CSMD1: variants seen among roughly 807,000 people sequenced by gnomAD.
The protein encoded by CSMD1 is CUB and Sushi multiple domains 1, also known as CUB and sushi domain-containing protein 1.
CSMD1 carries 213 observed loss-of-function variants against 417.5 expected under a neutral mutation model. The observed-to-expected ratio is 0.51, with a 90% CI of 0.46 to 0.57. The LOEUF (loss-of-function observed/expected upper bound fraction) is 0.57, where lower values mean the gene tolerates loss of function less well. Ranked by LOEUF, CSMD1 falls within the 20% of genes least tolerant of loss-of-function variation. The probability of loss-of-function intolerance (pLI) is 0.00; values close to 1 mark genes in which losing one functional copy is unlikely to be tolerated. For synonymous variants in CSMD1, 2,862 were observed against 1,736.8 expected (o/e 1.65, Z -16.11); for missense variants, 6,923 against 4,529.7 (o/e 1.53, Z -15.17).
chr8:3,709,687 T>TGC (rs1238942400), intron 6 of CSMD1, among the ~76,000 whole-genome samples: 5 of 112,790 alleles, frequency 4.4e-5, no homozygotes, highest in African/African-American at 9.5e-5. Flanking sequence ...CATGTTTTTT[T>TGC]TTTTTTTTTT....
At chr8:3,720,097 G>C (rs961372840) in intron 6 of CSMD1, among the ~76,000 whole-genome samples, 5 of 152,166 alleles carry the variant, frequency 3.3e-5, no homozygotes, top group African/African-American at 9.7e-5. Context: ...CCAAGTCTTT[G>C]TTACATTCAA....
At chr8:2,992,061 T>C (rs750477255) in intron 54 of CSMD1, among the ~76,000 whole-genome samples, 6 of 152,232 alleles carry the variant, frequency 3.9e-5, no homozygotes, top group Middle Eastern at 3.2e-3. Context: ...TGTATAGCAA[T>C]TCTTTCAATA....
rs978878300 is a variant in CSMD1 at position 3,918,734 on chromosome 8, G to C, written c.818+79169C>G. ...AATTAATGGCATTTGCAGCAACCTG[G>C]ATGGTATTAGAGACTATTCTTCTAA... On this transcript the variant is annotated intron_variant, in intron 5 of 69. Coordinates refer to ENST00000635120, the MANE Select transcript of CSMD1 (RefSeq NM_033225.6). Among the ~76,000 whole-genome samples the C allele has an allele frequency of 3.3e-5, 5 of 152,220 alleles. No homozygotes were observed. The East Asian group carries it at 9.7e-4, about 29-fold the overall frequency.
intron 2 of CSMD1, among the ~76,000 whole-genome samples, chr8:4,494,693 A>G (rs1027781550): frequency 9.9e-5 from 15 of 152,198 alleles, no homozygotes; most frequent in African/African-American, 3.4e-4. Flanking sequence ...AAAAAAAAGA[A>G]GCCTTTGAAT....
rs201833806 is a variant in CSMD1, at chr8:3,412,048, G to A, written c.1562-2443C>T. ...CACGTATATATACACATATATACAC[G>A]TATATATACACACGTATATATACAT... On this transcript the variant is annotated intron_variant, in intron 12 of 69. Transcript: ENST00000635120. Among the ~76,000 whole-genome samples the A allele has an allele frequency of 6.6e-3, 357 of 54,144 alleles. 90 individuals carry two copies. Among genetic ancestry groups the A allele is most frequent in the Non-Finnish European group, 9.6e-3 (273 of 28,486 alleles). 35.5% of individuals were successfully genotyped at this position (54,144 alleles called of 152,430 possible). A position where few individuals can be genotyped will look rare whatever the true frequency, so the allele number is the denominator to read the frequency against.
At chr8:3,844,610 C>T (rs576470807) in intron 5 of CSMD1, among the ~76,000 whole-genome samples, 2 of 152,054 alleles carry the variant, frequency 1.3e-5, no homozygotes, top group Non-Finnish European at 2.9e-5. Context: ...AAGGGGGTGT[C>T]CTCCCATCTG....
chr8:3,306,677 G>A (rs1804878428), intron 25 of CSMD1, among the ~76,000 whole-genome samples: 1 of 152,030 alleles, frequency 6.6e-6, no homozygotes, highest in African/African-American at 2.4e-5. Flanking sequence ...AAGGTTAATT[G>A]AAGGAAAAAT....
chr8:3,595,074 T>C (rs938457343), intron 8 of CSMD1, among the ~76,000 whole-genome samples: 1 of 152,172 alleles, frequency 6.6e-6, no homozygotes, highest in East Asian at 1.9e-4. Context: ...TATTTTAAAA[T>C]AAATGCTTTA....
intron 2 of CSMD1, among the ~76,000 whole-genome samples, chr8:4,576,664 T>C (rs1205140760): frequency 6.6e-6 from 1 of 152,138 alleles, no homozygotes; most frequent in East Asian, 1.9e-4. Flanking sequence ...ATGAAAACAA[T>C]GTAAAATAAT....
In CSMD1 at chr8:4,428,560, A is replaced by G. The variant is rs1035748260; in HGVS notation, c.303-8495T>C. 5.9e-5 allele frequency among the ~76,000 whole-genome samples: 9 copies of G among 152,168 alleles called. 1 individual carries two copies. In the South Asian group the frequency reaches 1.9e-3, roughly 32 times the overall value. ...AGTATGTTAACATGTATTTTCCTAC[A>G]ATAAACTTGCAACTTACCTTATGAC... is the stretch of plus-strand genomic sequence containing the variant. On this transcript the variant is annotated intron_variant, in intron 2 of 69. Transcript: ENST00000635120.
At chr8:4,394,139 T>C (rs1804047385) in intron 3 of CSMD1, among the ~76,000 whole-genome samples, 1 of 152,204 alleles carries the variant, frequency 6.6e-6, no homozygotes, top group Non-Finnish European at 1.5e-5. Context: ...AGTATTATTA[T>C]TGAGAGCTTA....
intron 1 of CSMD1, among the ~76,000 whole-genome samples, chr8:4,666,762 T>G (rs1357507516): frequency 2.0e-5 from 3 of 152,320 alleles, no homozygotes; most frequent in Non-Finnish European, 4.4e-5. Flanking sequence ...CTTCATCAGA[T>G]ATGTATTTTG....
intron 23 of CSMD1, among the ~76,000 whole-genome samples, chr8:3,311,825 C>T (rs1270815526): frequency 6.6e-6 from 1 of 151,994 alleles, no homozygotes; most frequent in Non-Finnish European, 1.5e-5. Flanking sequence ...TGTGTAATAA[C>T]ATTCATTTTC....
intron 7 of CSMD1, among the ~76,000 whole-genome samples, chr8:3,691,515 C>T (rs6983391): frequency 6.6e-6 from 1 of 152,148 alleles, no homozygotes; most frequent in African/African-American, 2.4e-5. Context: ...GAAACTTGGC[C>T]TAGCCAAGGA....
intron 2 of CSMD1, among the ~76,000 whole-genome samples, chr8:4,553,357 G>T (rs1256237314): frequency 1.3e-5 from 2 of 151,688 alleles, no homozygotes; most frequent in African/African-American, 4.8e-5. Flanking sequence ...ACTCCTGACA[G>T]GCATTTATAA....
Position 4,760,093 on chromosome 8 carries a change from T to C in CSMD1, c.86-122535A>G, listed in dbSNP as rs373069821. Among the ~76,000 whole-genome samples, 29 of 152,200 alleles carry C rather than the reference T, an allele frequency of 1.9e-4. No individual in the cohort carries two copies. In the East Asian group the frequency reaches 2.3e-3, roughly 12 times the overall value. On this transcript the variant is annotated intron_variant, in intron 1 of 69. Transcript: ENST00000635120. ...CACCTGTTGTTTCTAGACTTTTTAATAAGCATCATTCTGACTGGCATGAGA... is the reference window on the plus strand; with the variant it reads ...CACCTGTTGTTTCTAGACTTTTTAACAAGCATCATTCTGACTGGCATGAGA...
At chr8:3,086,311 G>A (rs970524789) in intron 49 of CSMD1, among the ~76,000 whole-genome samples, 2 of 152,042 alleles carry the variant, frequency 1.3e-5, no homozygotes, top group Admixed American at 6.5e-5. Context: ...TACAGTAGAG[G>A]TAAAACATAA....
chr8:4,399,562 C>G (rs886434221), intron 3 of CSMD1, among the ~76,000 whole-genome samples: 3 of 151,938 alleles, frequency 2.0e-5, no homozygotes, highest in Non-Finnish European at 4.4e-5. Context: ...TGGCATAATC[C>G]CCCTTTTTTG....
intron 3 of CSMD1, among the ~76,000 whole-genome samples, chr8:4,036,717 T>C (rs1042571019): frequency 5.3e-5 from 8 of 152,202 alleles, no homozygotes; most frequent in African/African-American, 1.9e-4. Flanking sequence ...AAGGATCCTT[T>C]TGCAGATGCA....
Sources: allele counts gnomAD v4.1 joint callset (sites outside exome capture counted in the v4.1 genomes callset), GRCh38; gene constraint gnomAD v4.1.1; transcripts MANE v1.5; gene names NCBI Gene and HGNC (gene_info 2026-07-23, HGNC 2026-07-21).